The following MRE11 variants were observed in gnomAD, a reference collection of about 807,000 sequenced individuals.
MRE11 encodes MRE11 double strand break repair nuclease, also known as double-strand break repair protein MRE11.
In MRE11, 62 loss-of-function variants were observed where a neutral mutation model predicts 91.7. The ratio of observed to expected loss-of-function variants is 0.68; its 90% CI spans 0.55 to 0.84. MRE11 has a LOEUF of 0.84. MRE11 is among the 40% of genes least tolerant of loss of function. MRE11 has a pLI of 0.00. For missense variants in MRE11, 796 were observed against 852.9 expected (o/e 0.93, Z 0.83); for synonymous variants, 273 against 271.4 (o/e 1.01, Z -0.06).
In MRE11 at chr11:94,486,068, A is replaced by C. The variant is rs951805101; in HGVS notation, c.170T>G (p.Leu57Ter). 3.7e-6 allele frequency: 6 copies of C among 1,613,712 alleles called. No homozygotes were observed. Among genetic ancestry groups the C allele is most frequent in the Non-Finnish European group, 5.1e-6 (6 of 1,179,888 alleles). Reference protein sequence around the residue: ...AQENEVDFILLGGDLFHENKP... With the variant: ...AQENEVDFIL ...ATTTTCATGAAAAAGATCACCACCT[A>C]ACAAAATAAAATCCACCTGATCAAC... The change falls in exon 4 of 20, where the codon TTA becomes TGA. Residue 57 changes from leucine to a stop codon, truncating the protein, a stop_gained. Coordinates refer to ENST00000323929, the MANE Select transcript of MRE11 (RefSeq NM_005591.4). LOFTEE classifies it high-confidence loss of function.
chr11:94,487,375 A>G (rs187403998), intron 3 of MRE11, among the ~76,000 whole-genome samples: 9 of 152,364 alleles, frequency 5.9e-5, no homozygotes, highest in East Asian at 5.8e-4. Flanking sequence ...ATTCTTGCCG[A>G]AAGTGCAGAA....
chr11:94,483,291 C>T (rs1158070286), intron 4 of MRE11, among the ~76,000 whole-genome samples: 1 of 152,016 alleles, frequency 6.6e-6, no homozygotes, highest in Non-Finnish European at 1.5e-5. Flanking sequence ...CAGTGAGACC[C>T]CATCTCTACC....
chr11:94,447,884 C>A (rs1945983174), intron 14 of MRE11, among the ~76,000 whole-genome samples: 1 of 151,636 alleles, frequency 6.6e-6, no homozygotes, highest in South Asian at 2.1e-4. Context: ...TAAAGGAGAA[C>A]CTCCCCACCA....
intron 14 of MRE11, among the ~76,000 whole-genome samples, chr11:94,453,990 T>C (rs547787397): frequency 1.3e-5 from 2 of 152,020 alleles, no homozygotes; most frequent in South Asian, 4.1e-4. Context: ...CCGCAAAGCC[T>C]AATGGTTACT....
chr11:94,511,025 C>T, the MRE11 span, among the ~76,000 whole-genome samples: 528 of 152,212 alleles, frequency 3.5e-3, 6 homozygotes, highest in African/African-American at 0.012. Flanking sequence ...ATGAGGAGTG[C>T]CTGAACTGCC....
intron 16 of MRE11, among the ~76,000 whole-genome samples, chr11:94,443,918 A>ATT (rs71036324): frequency 3.7e-5 from 5 of 135,164 alleles, no homozygotes; most frequent in South Asian, 2.4e-4. Context: ...CCTTCAACCA[A>ATT]TTTTTTTTTT....
chr11:94,509,884 G>A, the MRE11 span, among the ~76,000 whole-genome samples: 10 of 152,092 alleles, frequency 6.6e-5, no homozygotes. Flanking sequence ...CGTGATGTAT[G>A]TATTATCCAT....
chr11:94,490,522 T>C (rs528066200), intron 3 of MRE11, among the ~76,000 whole-genome samples: 1 of 152,342 alleles, frequency 6.6e-6, no homozygotes, highest in African/African-American at 2.4e-5. Flanking sequence ...ACCAGTTTTC[T>C]TCTACGTTAT....
chr11:94,428,793 G>A (rs530135611), intron 19 of MRE11, among the ~76,000 whole-genome samples: 1 of 152,140 alleles, frequency 6.6e-6, no homozygotes, highest in African/African-American at 2.4e-5. Flanking sequence ...AACCCGGGAG[G>A]CGGAGATTGC....
chr11:94,430,436 TA>T (rs1465678437), intron 18 of MRE11, among the ~76,000 whole-genome samples: 3 of 152,140 alleles, frequency 2.0e-5, no homozygotes, highest in Non-Finnish European at 4.4e-5. Context: ...AAATATTTTC[TA>T]TTCAAATCTC....
In MRE11 at chr11:94,437,201, A is replaced by G. The variant is rs864622320; in HGVS notation, c.1902T>C (p.Asn634=). ...CCTCTGAATAATTCTTAGTAGTGACATTTCGGGAAGGCTGCTGTCTTGTAG... is the reference window on the plus strand; with the variant it reads ...CCTCTGAATAATTCTTAGTAGTGACGTTTCGGGAAGGCTGCTGTCTTGTAG... ...FKSTRQQPSR[N]VTTKNYSEVI... is the part of the protein sequence containing the mutation. The change falls in exon 17 of 20, where the codon AAT becomes AAC. Residue 634 remains asparagine, a synonymous_variant. Transcript: ENST00000323929. 5.6e-6 allele frequency: 9 copies of G among 1,612,952 alleles called. No homozygotes were observed. The highest frequency in any genetic ancestry group is 7.6e-6 in the Non-Finnish European group (9 of 1,179,472).
chr11:94,495,373 A>C (rs1947400210), upstream of MRE11, among the ~76,000 whole-genome samples: 1 of 152,220 alleles, frequency 6.6e-6, no homozygotes, highest in Admixed American at 6.5e-5. Flanking sequence ...AATATAAGTT[A>C]AATGTGGTCC....
intron 19 of MRE11, among the ~76,000 whole-genome samples, chr11:94,429,305 G>A (rs184262753): frequency 2.0e-5 from 3 of 152,076 alleles, no homozygotes; most frequent in Non-Finnish European, 2.9e-5. Context: ...ACAGAGCTAC[G>A]ATTTGACCCA....
upstream of MRE11, chr11:94,496,844 G>T: frequency 6.2e-7 from 1 of 1,613,816 alleles, no homozygotes. Flanking sequence ...CAATTCTGAT[G>T]AAGATGAGGA....
intron 3 of MRE11, 32 bp from the exon 4 acceptor site, chr11:94,486,116 A>G: frequency 6.2e-7 from 1 of 1,611,448 alleles, no homozygotes; most frequent in Non-Finnish European, 8.5e-7. Flanking sequence ...TAAAATTAGT[A>G]TGTTTTACAG....
the MRE11 span, among the ~76,000 whole-genome samples, chr11:94,501,073 G>A: frequency 6.6e-6 from 1 of 152,092 alleles, no homozygotes. Flanking sequence ...CCATCTGTAG[G>A]ATTACTAGAT....
intron 14 of MRE11, among the ~76,000 whole-genome samples, chr11:94,452,691 G>A (rs529775813): frequency 2.0e-5 from 3 of 152,096 alleles, no homozygotes; most frequent in African/African-American, 7.2e-5. Flanking sequence ...AGAGTTTACT[G>A]TTATCTTTGG....
In MRE11 at chr11:94,453,928, AAAAC is replaced by A. The variant is rs573719840; in HGVS notation, c.1563+2344_1563+2347del. Among the ~76,000 whole-genome samples, 503 of 152,294 alleles carry A rather than the reference AAAAC, an allele frequency of 3.3e-3. 1 individual carries two copies. In the Middle Eastern group the frequency reaches 0.037, roughly 11 times the overall value. ...ATATTTTTAAAGGGCCATTAATAAAAAAACAAACAAACAAAAAAACACAAGAATA... is the reference window on the plus strand; with the variant it reads ...ATATTTTTAAAGGGCCATTAATAAAAAAACAAACAAAAAAACACAAGAATA... On this transcript the variant is annotated intron_variant, in intron 14 of 19. Coordinates refer to ENST00000323929, the MANE Select transcript of MRE11 (RefSeq NM_005591.4).
In MRE11 at chr11:94,420,160, T is replaced by A. The variant is rs1805362; in HGVS notation, c.2092A>T (p.Met698Leu). 3 of 1,582,226 alleles carry A rather than the reference T, an allele frequency of 1.9e-6. No individual in the cohort carries two copies. The highest frequency in any genetic ancestry group is 2.7e-5 in the African/African-American group (2 of 74,320). The change falls in exon 20 of 20, where the codon ATG becomes TTG. Residue 698 changes from methionine to leucine, a missense_variant. Coordinates refer to ENST00000323929, the MANE Select transcript of MRE11 (RefSeq NM_005591.4). ...SSEDDDDDPF[M>L]NTSSLRRNRR The stretch of plus-strand genomic sequence containing the variant: ...TTTCTTCTTAAAGAACTAGTGTTCA[T>A]AAAAGGATCATCATCATCATCCTGA...
Sources: gnomAD v4.1 joint callset for allele counts (sites outside exome capture counted in the v4.1 genomes callset) on GRCh38, gnomAD v4.1.1 for gene constraint, MANE v1.5 for transcripts, NCBI Gene and HGNC (gene_info 2026-07-23, HGNC 2026-07-21) for gene names.